Variants in ATP10B observed in about 807,000 individuals in gnomAD.
ATP10B encodes the protein ATPase phospholipid transporting 10B (putative), also known as phospholipid-transporting ATPase VB.
ATP10B carries 122 observed loss-of-function variants against 141.2 expected under a neutral mutation model. That is an observed-to-expected ratio of 0.86 (90% CI 0.75 to 1.00). The LOEUF (loss-of-function observed/expected upper bound fraction) is 1.00. ATP10B is among the 50% of genes least tolerant of loss of function. The probability of loss-of-function intolerance (pLI) is 0.00; values close to 1 mark genes in which losing one functional copy is unlikely to be tolerated. For missense variants in ATP10B, 1,876 were observed against 1,825.3 expected, an observed-to-expected ratio of 1.03 and a Z score of -0.51; for synonymous variants, 685 against 692.0, an observed-to-expected ratio of 0.99 and a Z score of 0.16.
Position 160,620,629 on chromosome 5 carries a change from T to G in ATP10B, c.2134A>C (p.Arg712=). The part of the protein sequence containing the change: ...ALEAPATDLA[R]PEFCYEAESP... ...TCAGCCTCGTAACAGAACTCAGGCC[T>G]GGCCAGGTCTGTGGCTGGGGCCTCC... is the stretch of plus-strand genomic sequence containing the variant. The change falls in exon 15 of 26, where the codon AGG becomes CGG. Residue 712 remains arginine, a synonymous_variant. Transcript: ENST00000327245. 6.2e-7 allele frequency: 1 copy of G among 1,613,680 alleles called. No homozygotes were observed. The highest frequency in any genetic ancestry group is 1.1e-5 in the South Asian group (1 of 91,062).
At chr5:160,884,876 T>C in the ATP10B span, among the ~76,000 whole-genome samples, 2 of 152,218 alleles carry the variant, frequency 1.3e-5, no homozygotes, top group Non-Finnish European at 1.5e-5. Context: ...AGCACTCTAC[T>C]GGATGTTTAA....
the ATP10B span, among the ~76,000 whole-genome samples, chr5:160,903,517 C>A: frequency 2.0e-5 from 3 of 152,268 alleles, no homozygotes; most frequent in South Asian, 2.1e-4. Context: ...GGAAAACTTG[C>A]AATAACACGA....
the ATP10B span, among the ~76,000 whole-genome samples, chr5:160,919,309 C>T: frequency 6.7e-6 from 1 of 149,910 alleles, no homozygotes; most frequent in Non-Finnish European, 1.5e-5. Context: ...TTATTCTTTC[C>T]ATGAATATTT....
chr5:160,619,298 T>A (rs1277001341), intron 15 of ATP10B, among the ~76,000 whole-genome samples: 1 of 152,216 alleles, frequency 6.6e-6, no homozygotes, highest in Non-Finnish European at 1.5e-5. Flanking sequence ...TTCAAAGTTT[T>A]GCTTCTCAAT....
intron 2 of ATP10B, among the ~76,000 whole-genome samples, chr5:160,749,105 C>T (rs1162364347): frequency 1.3e-5 from 2 of 152,152 alleles, no homozygotes; most frequent in African/African-American, 2.4e-5. Flanking sequence ...TCTGCGACTC[C>T]AGAAGTGAGT....
chr5:160,849,210 G>A (rs1481267081), intron 1 of ATP10B, among the ~76,000 whole-genome samples: 1 of 152,168 alleles, frequency 6.6e-6, no homozygotes, highest in Non-Finnish European at 1.5e-5. Context: ...GCTTGTGAGT[G>A]GAGGGATCTG....
intron 22 of ATP10B, among the ~76,000 whole-genome samples, chr5:160,592,860 G>T (rs1409010469): frequency 6.6e-6 from 1 of 152,254 alleles, no homozygotes; most frequent in Non-Finnish European, 1.5e-5. Flanking sequence ...CGAGGCTGGG[G>T]GAGGGGCGCC....
At chr5:160,574,750 GAC>G (rs1390027713) in intron 24 of ATP10B, among the ~76,000 whole-genome samples, 3 of 151,462 alleles carry the variant, frequency 2.0e-5, no homozygotes, top group African/African-American at 7.3e-5. Context: ...ACCATGTGAG[GAC>G]ACAGTGTTTG....
chr5:160,733,880 AAGAT>A (rs1443343179), intron 2 of ATP10B, among the ~76,000 whole-genome samples: 2 of 151,762 alleles, frequency 1.3e-5, no homozygotes, highest in Admixed American at 1.3e-4. Context: ...CCAAGGAGGT[AAGAT>A]CATGAGGTCA....
intron 3 of ATP10B, among the ~76,000 whole-genome samples, chr5:160,715,045 G>T (rs1366813967): frequency 1.6e-5 from 2 of 123,710 alleles, no homozygotes; most frequent in Non-Finnish European, 3.6e-5. Flanking sequence ...ACTTAAGTCT[G>T]CAGAGGTTAC....
chr5:160,869,905 A>C, the ATP10B span, among the ~76,000 whole-genome samples: 2 of 152,160 alleles, frequency 1.3e-5, no homozygotes, highest in African/African-American at 4.8e-5. Context: ...CTCACAGTAA[A>C]TAATGAACCC....
the ATP10B span, among the ~76,000 whole-genome samples, chr5:160,919,036 T>C: frequency 4.9e-3 from 731 of 150,388 alleles, 7 homozygotes; most frequent in Admixed American, 7.0e-3. Flanking sequence ...CCATCCTGGC[T>C]AACACGGTGA....
the ATP10B span, among the ~76,000 whole-genome samples, chr5:160,894,486 T>A: frequency 6.6e-6 from 1 of 151,532 alleles, no homozygotes. Flanking sequence ...AAATAAAGTG[T>A]GAGGACAAGA....
chr5:160,669,856 G>A (rs969249062), intron 7 of ATP10B, among the ~76,000 whole-genome samples: 8 of 145,586 alleles, frequency 5.5e-5, no homozygotes, highest in Middle Eastern at 3.2e-3. Flanking sequence ...CCTGCCTCTC[G>A]GCCTGCCAAA....
At chr5:160,714,990 G>A (rs571016270) in intron 3 of ATP10B, among the ~76,000 whole-genome samples, 4 of 90,392 alleles carry the variant, frequency 4.4e-5, no homozygotes, top group African/African-American at 4.1e-5. Flanking sequence ...CTCCAGCTGC[G>A]TGCTGGGAGA....
At chr5:160,671,731 C>G (rs1762714367) in intron 6 of ATP10B, among the ~76,000 whole-genome samples, 1 of 152,192 alleles carries the variant, frequency 6.6e-6, no homozygotes, top group Non-Finnish European at 1.5e-5. Flanking sequence ...ATTAACATTT[C>G]ATTTACTTTG....
chr5:160,879,838 A>AAAAC, the ATP10B span, among the ~76,000 whole-genome samples: 262 of 152,226 alleles, frequency 1.7e-3, 1 homozygote, highest in African/African-American at 5.6e-3. Flanking sequence ...ACTCCATCCA[A>AAAAC]AAACAAACAA....
chr5:160,615,022 C>T (rs1757918788), intron 17 of ATP10B, among the ~76,000 whole-genome samples: 1 of 152,206 alleles, frequency 6.6e-6, no homozygotes, highest in Admixed American at 6.5e-5. Context: ...AGAAGCACAG[C>T]CTGTCTCTTA....
chr5:160,802,798 A>G (rs1009936058), intron 1 of ATP10B, among the ~76,000 whole-genome samples: 7 of 152,198 alleles, frequency 4.6e-5, no homozygotes, highest in African/African-American at 1.7e-4. Context: ...TCAGGATTCA[A>G]AGTATCAGAG....
Sources: gnomAD v4.1 joint callset for allele counts (sites outside exome capture counted in the v4.1 genomes callset) on GRCh38, gnomAD v4.1.1 for gene constraint, MANE v1.5 for transcripts, NCBI Gene and HGNC (gene_info 2026-07-23, HGNC 2026-07-21) for gene names.